TAFA2: variants seen among roughly 807,000 people sequenced by gnomAD.
TAFA2 encodes TAFA chemokine like family member 2.
Under a neutral mutation model 18.8 loss-of-function variants are expected in TAFA2, and 7 were observed. The observed-to-expected ratio is 0.37, with a 90% confidence interval of 0.21 to 0.70. TAFA2 has a LOEUF of 0.70. Ranked by LOEUF, TAFA2 falls within the 30% of genes least tolerant of loss-of-function variation. TAFA2 has a pLI of 0.53. For missense variants in TAFA2, 122 were observed against 158.1 expected (o/e 0.77, Z 1.23); for synonymous variants, 60 against 54.2 (o/e 1.11, Z -0.47).
intron 2 of TAFA2, among the ~76,000 whole-genome samples, chr12:61,806,045 G>C (rs980212807): frequency 1.3e-5 from 2 of 152,188 alleles, no homozygotes; most frequent in Admixed American, 1.3e-4. Context: ...GGGATGGAGA[G>C]GGTAAAGAAC....
At chr12:62,206,719 C>G (rs2062693016) in intron 1 of TAFA2, among the ~76,000 whole-genome samples, 1 of 152,098 alleles carries the variant, frequency 6.6e-6, no homozygotes, top group Non-Finnish European at 1.5e-5. Flanking sequence ...CTCAAGTGGT[C>G]CTCCCACCTT....
At chr12:61,959,085 G>A (rs1415105501) in intron 1 of TAFA2, among the ~76,000 whole-genome samples, 1 of 151,492 alleles carries the variant, frequency 6.6e-6, no homozygotes, top group Non-Finnish European at 1.5e-5. Context: ...TGATTAGAGG[G>A]GCTTTATTGT....
chr12:61,826,484 T>A (rs754923906), intron 2 of TAFA2, among the ~76,000 whole-genome samples: 1 of 151,980 alleles, frequency 6.6e-6, no homozygotes, highest in African/African-American at 2.4e-5. Flanking sequence ...CAAAAACTGT[T>A]GAAATAAAAG....
At chr12:62,025,897 ATG>A (rs1222002208) in intron 1 of TAFA2, among the ~76,000 whole-genome samples, 1 of 152,100 alleles carries the variant, frequency 6.6e-6, no homozygotes, top group Non-Finnish European at 1.5e-5. Flanking sequence ...CACCTACCAT[ATG>A]TACTGCAGAG....
intron 2 of TAFA2, among the ~76,000 whole-genome samples, chr12:61,828,754 A>G (rs748353451): frequency 6.6e-6 from 1 of 151,850 alleles, no homozygotes; most frequent in African/African-American, 2.4e-5. Flanking sequence ...ATCATTTACT[A>G]TCTTTTCATG....
intron 1 of TAFA2, among the ~76,000 whole-genome samples, chr12:62,083,221 G>A (rs559354750): frequency 2.6e-5 from 4 of 151,556 alleles, no homozygotes; most frequent in Admixed American, 6.6e-5. Flanking sequence ...TATAAATCTC[G>A]TATGACCTGA....
chr12:62,180,222 T>C lies in TAFA2; in HGVS notation c.-2+11037A>G, dbSNP rs964518612. Among the ~76,000 whole-genome samples, 4 of 152,208 alleles carry C rather than the reference T, an allele frequency of 2.6e-5. No individual in the cohort carries two copies. The South Asian group carries it at 6.2e-4, about 24-fold the overall frequency. On this transcript the variant is annotated intron_variant, in intron 1 of 4. Coordinates refer to ENST00000416284, the MANE Select transcript of TAFA2 (RefSeq NM_178539.5). The stretch of plus-strand genomic sequence containing the variant: ...ACGAATTTTCATATTTGGGATTGCA[T>C]TGGGGAAGAAGAATAGATACATCTT...
intron 2 of TAFA2, among the ~76,000 whole-genome samples, chr12:61,826,499 T>C (rs531461590): frequency 3.9e-4 from 60 of 152,042 alleles, no homozygotes; most frequent in African/African-American, 1.4e-3. Context: ...TAAAAGAAAA[T>C]TGGGGAACAG....
At chr12:61,718,633 A>T (rs577527452) in intron 4 of TAFA2, among the ~76,000 whole-genome samples, 114 of 152,326 alleles carry the variant, frequency 7.5e-4, no homozygotes, top group Non-Finnish European at 1.2e-3. Flanking sequence ...GCTTTTTAAG[A>T]TATTTATTCT....
chr12:61,993,528 G>A (rs1277387972), intron 1 of TAFA2, among the ~76,000 whole-genome samples: 2 of 152,056 alleles, frequency 1.3e-5, no homozygotes. Flanking sequence ...ACACAAATAT[G>A]TAAAAGAACA....
At position 61,982,876 on chromosome 12, in the gene TAFA2, C is replaced by CAAAAAAAAAAAA. The variant is rs3031097; in HGVS notation, c.-1-115462_-1-115451dup. 3.2e-3 allele frequency among the ~76,000 whole-genome samples: 321 copies of CAAAAAAAAAAAA among 101,502 alleles called. 9 individuals are homozygous for CAAAAAAAAAAAA. Among genetic ancestry groups the CAAAAAAAAAAAA allele is most frequent in the Non-Finnish European group, 4.3e-3 (218 of 50,174 alleles). The allele number at this position is 101,502 out of a possible 152,430, so 66.6% of individuals were successfully genotyped here. ...TATATTCCCACCAGCAAGTGGAAGG[C>CAAAAAAAAAAAA]AAAAAAAAAAAAAAAAAAGTTACTT... is the stretch of plus-strand genomic sequence containing the variant. On this transcript the variant is annotated intron_variant, in intron 1 of 4. Coordinates refer to ENST00000416284, the MANE Select transcript of TAFA2 (RefSeq NM_178539.5).
At chr12:62,244,280 A>G (rs545767816) in intron 1 of TAFA2, among the ~76,000 whole-genome samples, 1 of 145,696 alleles carries the variant, frequency 6.9e-6, no homozygotes, top group African/African-American at 2.6e-5. Context: ...GGGTTTACGG[A>G]AGAACAAAGA....
chr12:61,895,508 T>C (rs895943357), intron 1 of TAFA2, among the ~76,000 whole-genome samples: 1 of 152,162 alleles, frequency 6.6e-6, no homozygotes, highest in Non-Finnish European at 1.5e-5. Flanking sequence ...AACTGATACC[T>C]GAGATTTACT....
chr12:61,917,025 G>C (rs1044340655), intron 1 of TAFA2, among the ~76,000 whole-genome samples: 3 of 152,188 alleles, frequency 2.0e-5, no homozygotes, highest in South Asian at 2.1e-4. Flanking sequence ...ACTCATACAC[G>C]GTAAGGAGAG....
intron 1 of TAFA2, among the ~76,000 whole-genome samples, chr12:61,929,011 G>A (rs1396496665): frequency 3.9e-5 from 6 of 152,080 alleles, no homozygotes; most frequent in Non-Finnish European, 4.4e-5. Context: ...CCTGTTGGGG[G>A]GTGAGGAACA....
intron 2 of TAFA2, among the ~76,000 whole-genome samples, chr12:61,828,546 TG>T (rs1382288122): frequency 9.9e-5 from 15 of 151,812 alleles, no homozygotes; most frequent in African/African-American, 3.6e-4. Context: ...AATGGGAGAA[TG>T]TATAGTAGGG....
At chr12:61,955,489 C>G (rs1241441740) in intron 1 of TAFA2, among the ~76,000 whole-genome samples, 3 of 148,614 alleles carry the variant, frequency 2.0e-5, no homozygotes, top group East Asian at 2.0e-4. Context: ...GTAGACCCAG[C>G]TACTCAGGAG....
At chr12:61,930,313 T>G (rs566876237) in intron 1 of TAFA2, among the ~76,000 whole-genome samples, 5 of 152,254 alleles carry the variant, frequency 3.3e-5, no homozygotes, top group Admixed American at 2.6e-4. Flanking sequence ...AAATGAAGTT[T>G]TAAGAGCTAA....
intron 2 of TAFA2, among the ~76,000 whole-genome samples, chr12:61,854,911 C>T (rs563759377): frequency 1.3e-5 from 2 of 152,192 alleles, no homozygotes; most frequent in South Asian, 2.1e-4. Context: ...GGAAATGTAT[C>T]ATCATATGTA....
Sources: gnomAD v4.1 joint callset for allele counts (sites outside exome capture counted in the v4.1 genomes callset) on GRCh38, gnomAD v4.1.1 for gene constraint, MANE v1.5 for transcripts, NCBI Gene and HGNC (gene_info 2026-07-23, HGNC 2026-07-21) for gene names.